The following GALNT17 variants were observed in gnomAD, a reference collection of about 807,000 sequenced individuals.
GALNT17 encodes the protein polypeptide N-acetylgalactosaminyltransferase 17.
GALNT17 carries 29 observed loss-of-function variants against 63.7 expected under a neutral mutation model. That is an observed-to-expected ratio of 0.46 (90% CI 0.34 to 0.62). GALNT17 has a LOEUF of 0.62. Ranked by LOEUF, GALNT17 falls within the 20% of genes least tolerant of loss-of-function variation. The probability of loss-of-function intolerance (pLI) is 0.01; values close to 1 mark genes in which losing one functional copy is unlikely to be tolerated. For synonymous variants in GALNT17, 305 were observed against 318.3 expected (o/e 0.96, Z 0.45); for missense variants, 603 against 799.6 (o/e 0.75, Z 2.97).
At chr7:71,212,623 G>A (rs529997596) in intron 1 of GALNT17, among the ~76,000 whole-genome samples, 31 of 152,256 alleles carry the variant, frequency 2.0e-4, no homozygotes, top group African/African-American at 7.2e-4. Context: ...AGCCAGGAGG[G>A]GGGGCTATAC....
At chr7:71,298,561 A>G (rs1257167437) in intron 1 of GALNT17, among the ~76,000 whole-genome samples, 1 of 152,092 alleles carries the variant, frequency 6.6e-6, no homozygotes, top group Non-Finnish European at 1.5e-5. Context: ...GCCAGACCTG[A>G]GCTGACACTT....
At chr7:71,258,580 A>G (rs1246576432) in intron 1 of GALNT17, among the ~76,000 whole-genome samples, 1 of 152,250 alleles carries the variant, frequency 6.6e-6, no homozygotes, top group East Asian at 1.9e-4. Flanking sequence ...AAAAACTGCA[A>G]ATAAACACAG....
intron 5 of GALNT17, among the ~76,000 whole-genome samples, chr7:71,565,319 CTG>C (rs902792427): frequency 1.1e-4 from 16 of 151,968 alleles, no homozygotes; most frequent in Non-Finnish European, 2.4e-4. Context: ...CAAAGGGTAA[CTG>C]AGAGGGATCT....
intron 5 of GALNT17, among the ~76,000 whole-genome samples, chr7:71,555,533 ACCT>A (rs1789149935): frequency 6.6e-6 from 1 of 151,968 alleles, no homozygotes; most frequent in Non-Finnish European, 1.5e-5. Flanking sequence ...ATCAGGCCCC[ACCT>A]ATAACACTGG....
chr7:71,710,639 T>A, intron 9 of GALNT17, 122 bp from the exon 10 acceptor site: 1 of 1,122,760 alleles, frequency 8.9e-7, no homozygotes, highest in Non-Finnish European at 1.3e-6. Flanking sequence ...GCTGGGATGG[T>A]GGCCAGGACT....
intron 5 of GALNT17, among the ~76,000 whole-genome samples, chr7:71,436,060 T>A (rs747941292): frequency 6.7e-6 from 1 of 150,136 alleles, no homozygotes; most frequent in Non-Finnish European, 1.5e-5. Flanking sequence ...GATCCCCGAA[T>A]GCTCAGGGAG....
At chr7:71,552,911 C>T (rs1488800671) in intron 5 of GALNT17, among the ~76,000 whole-genome samples, 1 of 152,192 alleles carries the variant, frequency 6.6e-6, no homozygotes, top group Non-Finnish European at 1.5e-5. Context: ...TGGACTGGAA[C>T]ACACCTCAAG....
chr7:71,398,140 G>A (rs952619200), intron 3 of GALNT17, among the ~76,000 whole-genome samples: 5 of 152,128 alleles, frequency 3.3e-5, no homozygotes, highest in Middle Eastern at 6.8e-3. Flanking sequence ...GCATTTAGTG[G>A]CTTCCATCCT....
chr7:71,665,476 GA>G lies in GALNT17; in HGVS notation c.1148del (p.Lys383ArgfsTer33), dbSNP rs1790970936. 3 of 1,613,592 alleles carry G rather than the reference GA, an allele frequency of 1.9e-6. No homozygotes were observed. The highest frequency in any genetic ancestry group is 2.5e-6 in the Non-Finnish European group (3 of 1,179,976). ...CSRVAHIERKKKPYNSNIGFY... is the reference protein window; with the variant it reads ...CSRVAHIERKXKPYNSNIGFY... ...CACGGGTGGCCCACATTGAGCGGAA[GA>G]AGAAGCCATATAATAGCAACATTGG... is the stretch of plus-strand genomic sequence containing the variant. On this transcript the variant is annotated frameshift_variant, in exon 7 of 11. Coordinates refer to ENST00000333538, the MANE Select transcript of GALNT17 (RefSeq NM_022479.3). LOFTEE classifies it high-confidence loss of function.
intron 5 of GALNT17, among the ~76,000 whole-genome samples, chr7:71,526,849 A>G (rs527792881): frequency 9.6e-4 from 146 of 152,268 alleles, no homozygotes; most frequent in African/African-American, 3.3e-3. Context: ...CCTGACTGCC[A>G]GTGTCCAGAT....
At chr7:71,260,867 G>A (rs769905207) in intron 1 of GALNT17, among the ~76,000 whole-genome samples, 11 of 152,258 alleles carry the variant, frequency 7.2e-5, no homozygotes, top group Non-Finnish European at 1.5e-4. Context: ...GCCTCCCAAA[G>A]TGCTGGTGTT....
intron 1 of GALNT17, among the ~76,000 whole-genome samples, chr7:71,172,921 A>T (rs1297195935): frequency 6.6e-6 from 1 of 152,168 alleles, no homozygotes; most frequent in Admixed American, 6.5e-5. Context: ...AGAACTGATG[A>T]CAGGAACAGC....
intron 5 of GALNT17, among the ~76,000 whole-genome samples, chr7:71,471,105 T>C (rs1787620704): frequency 2.0e-5 from 3 of 152,048 alleles, no homozygotes; most frequent in African/African-American, 7.2e-5. Context: ...TTCCCCAGTG[T>C]CTCACTCTAT....
intron 2 of GALNT17, among the ~76,000 whole-genome samples, chr7:71,367,103 T>C (rs1387871526): frequency 6.6e-6 from 1 of 152,206 alleles, no homozygotes; most frequent in Admixed American, 6.5e-5. Flanking sequence ...TTTAATTGTC[T>C]CAAGCAATAC....
chr7:71,448,350 C>CGT (rs1167766494), intron 5 of GALNT17, among the ~76,000 whole-genome samples: 11 of 147,724 alleles, frequency 7.4e-5, no homozygotes, highest in African/African-American at 2.6e-4. Context: ...ATCCTTACTT[C>CGT]GTGTGTATGT....
intron 3 of GALNT17, among the ~76,000 whole-genome samples, chr7:71,415,389 G>T (rs1486340333): frequency 6.6e-6 from 1 of 152,176 alleles, no homozygotes; most frequent in Non-Finnish European, 1.5e-5. Context: ...TTTGCCACCT[G>T]CTTGTTGCAG....
intron 1 of GALNT17, among the ~76,000 whole-genome samples, chr7:71,296,230 T>C (rs1236958346): frequency 1.3e-5 from 2 of 152,222 alleles, no homozygotes; most frequent in African/African-American, 4.8e-5. Context: ...GAGGCAAGAA[T>C]GAAGTAGTTT....
chr7:71,494,349 A>G (rs1359769507), intron 5 of GALNT17, among the ~76,000 whole-genome samples: 2 of 152,014 alleles, frequency 1.3e-5, no homozygotes, highest in Non-Finnish European at 2.9e-5. Context: ...GGGTGGAGAC[A>G]CAGAGCCAAG....
chr7:71,512,108 T>C (rs942425163), intron 5 of GALNT17, among the ~76,000 whole-genome samples: 4 of 150,438 alleles, frequency 2.7e-5, no homozygotes, highest in Admixed American at 2.0e-4. Context: ...GTGTAAGCGA[T>C]TCTCCCGCCT....
Sources: allele counts gnomAD v4.1 joint callset (sites outside exome capture counted in the v4.1 genomes callset), GRCh38; gene constraint gnomAD v4.1.1; transcripts MANE v1.5; gene names NCBI Gene and HGNC (gene_info 2026-07-23, HGNC 2026-07-21).